The following NPAS3 variants were observed in gnomAD, a reference collection of about 807,000 sequenced individuals.
NPAS3 encodes neuronal PAS domain-containing protein 3.
In NPAS3, 14 loss-of-function variants were observed where a neutral mutation model predicts 73.1. That is an observed-to-expected ratio of 0.19 (90% CI 0.13 to 0.30). The LOEUF is 0.30. Ranked by LOEUF, NPAS3 falls within the 10% of genes least tolerant of loss-of-function variation. The pLI, the probability that NPAS3 is intolerant of heterozygous loss-of-function variation, is 1.00. For synonymous variants in NPAS3, 620 were observed against 541.5 expected, an observed-to-expected ratio of 1.14 and a Z score of -2.01; for missense variants, 1,096 against 1,250.0, an observed-to-expected ratio of 0.88 and a Z score of 1.86.
At chr14:33,183,170 A>G (rs954901480) in intron 2 of NPAS3, among the ~76,000 whole-genome samples, 1 of 152,138 alleles carries the variant, frequency 6.6e-6, no homozygotes, top group Non-Finnish European at 1.5e-5. Flanking sequence ...TCATGCCTGT[A>G]ATCCCAGCAC....
chr14:33,051,841 C>T (rs1032367164), intron 1 of NPAS3, among the ~76,000 whole-genome samples: 2 of 152,116 alleles, frequency 1.3e-5, no homozygotes, highest in African/African-American at 4.8e-5. Flanking sequence ...CTCACTGCAA[C>T]CTCCACCTCC....
chr14:33,237,483 C>A (rs897823318), intron 3 of NPAS3, among the ~76,000 whole-genome samples: 1 of 151,976 alleles, frequency 6.6e-6, no homozygotes, highest in African/African-American at 2.4e-5. Flanking sequence ...ATGTTTCAAT[C>A]CCAGACCATG....
chr14:33,011,874 A>G (rs1362161234), intron 1 of NPAS3, among the ~76,000 whole-genome samples: 2 of 152,204 alleles, frequency 1.3e-5, no homozygotes, highest in Non-Finnish European at 2.9e-5. Flanking sequence ...GCAGACATGA[A>G]TAAAAAATTC....
intron 3 of NPAS3, among the ~76,000 whole-genome samples, chr14:33,333,903 T>C (rs2044098533): frequency 6.6e-6 from 1 of 152,136 alleles, no homozygotes. Context: ...TGTGGCCTCA[T>C]TTGACTATAA....
At chr14:33,394,209 G>GAGAT (rs1566862820) in intron 4 of NPAS3, among the ~76,000 whole-genome samples, 2 of 152,190 alleles carry the variant, frequency 1.3e-5, no homozygotes, top group Admixed American at 1.3e-4. Flanking sequence ...TGATGCTGAA[G>GAGAT]AGATGCTGAT....
chr14:33,524,814 G>A lies in NPAS3; in HGVS notation c.469-35307G>A, dbSNP rs941835329. On this transcript the variant is annotated intron_variant, in intron 4 of 11. Coordinates refer to ENST00000356141, the Ensembl canonical transcript of NPAS3. The stretch of plus-strand genomic sequence containing the variant: ...TGCTGATCATCTTTGGTGGACCATC[G>A]CTTGTAGATACATCATTCCGATCTC... Among the ~76,000 whole-genome samples the A allele has an allele frequency of 7.2e-5, 11 of 152,072 alleles. No homozygotes were observed. The East Asian group carries it at 7.7e-4, about 11-fold the overall frequency.
At chr14:32,945,930 A>G (rs1025112413) in intron 1 of NPAS3, among the ~76,000 whole-genome samples, 8 of 152,200 alleles carry the variant, frequency 5.3e-5, no homozygotes, top group African/African-American at 9.7e-5. Flanking sequence ...GTCACAGCAT[A>G]TGAAGTTCTC....
At chr14:33,192,706 T>C (rs2046214344) in intron 2 of NPAS3, among the ~76,000 whole-genome samples, 1 of 152,206 alleles carries the variant, frequency 6.6e-6, no homozygotes, top group Non-Finnish European at 1.5e-5. Context: ...AAACTTCAAA[T>C]TGTGTTCTAG....
At chr14:33,364,580 T>C (rs1248747132) in intron 3 of NPAS3, among the ~76,000 whole-genome samples, 1 of 152,200 alleles carries the variant, frequency 6.6e-6, no homozygotes, top group African/African-American at 2.4e-5. Flanking sequence ...ATGAAACTAC[T>C]TGCAAGATAC....
intron 9 of NPAS3, among the ~76,000 whole-genome samples, chr14:33,790,550 CTTTT>C (rs74352260): frequency 1.4e-5 from 2 of 142,820 alleles, no homozygotes; most frequent in Admixed American, 7.0e-5. Flanking sequence ...GCCAGTATGA[CTTTT>C]TTTTTTTTTT....
intron 2 of NPAS3, among the ~76,000 whole-genome samples, chr14:33,193,524 G>A (rs2046243930): frequency 6.6e-6 from 1 of 152,172 alleles, no homozygotes; most frequent in African/African-American, 2.4e-5. Context: ...CTGCATCCTA[G>A]AGGATGACAT....
At chr14:33,687,952 C>T (rs1273385190) in intron 6 of NPAS3, among the ~76,000 whole-genome samples, 1 of 152,208 alleles carries the variant, frequency 6.6e-6, no homozygotes, top group South Asian at 2.1e-4. Context: ...CTAGGTAAAT[C>T]TATGTATCAG....
chr14:33,083,525 G>A (rs1313446911), intron 2 of NPAS3, among the ~76,000 whole-genome samples: 3 of 152,190 alleles, frequency 2.0e-5, no homozygotes, highest in South Asian at 2.1e-4. Context: ...TGCTTCAGAA[G>A]GATGGGGTGA....
chr14:32,952,909 CA>C (rs1050340163), intron 1 of NPAS3, among the ~76,000 whole-genome samples: 3 of 151,214 alleles, frequency 2.0e-5, no homozygotes, highest in African/African-American at 7.3e-5. Flanking sequence ...CATGTTTCTA[CA>C]AAAAAATAAC....
chr14:33,099,378 T>C (rs1164192430), intron 2 of NPAS3, among the ~76,000 whole-genome samples: 1 of 152,202 alleles, frequency 6.6e-6, no homozygotes, highest in Admixed American at 6.5e-5. Context: ...ATTCTGCATG[T>C]ATTTCAGGAG....
At chr14:33,524,185 A>G (rs1024741193) in intron 4 of NPAS3, among the ~76,000 whole-genome samples, 2 of 152,180 alleles carry the variant, frequency 1.3e-5, no homozygotes, top group African/African-American at 2.4e-5. Context: ...TGCCCTCTCT[A>G]AAAGTCCTCC....
chr14:33,796,844 A>C lies in NPAS3; in HGVS notation c.1302-613A>C, dbSNP rs190124509. Among the ~76,000 whole-genome samples, 47 of 152,276 alleles carry C rather than the reference A, an allele frequency of 3.1e-4. 1 individual carries two copies. In the East Asian group the frequency reaches 7.5e-3, roughly 24 times the overall value. The stretch of plus-strand genomic sequence containing the variant: ...CTGGGACTCTCCCCACTGCAATCAG[A>C]TTTCCAGCTAACAAGCCACAGGTGT... On this transcript the variant is annotated intron_variant, in intron 10 of 11. Transcript: ENST00000356141.
intron 1 of NPAS3, among the ~76,000 whole-genome samples, chr14:33,025,874 C>G (rs2039784230): frequency 6.6e-6 from 1 of 152,134 alleles, no homozygotes; most frequent in South Asian, 2.1e-4. Flanking sequence ...AACTCCTTTT[C>G]TTTATAAATT....
rs150034670 is a variant in NPAS3, at chr14:33,088,964, C to A, written c.140+32970C>A. On this transcript the variant is annotated intron_variant, in intron 2 of 11. Coordinates refer to ENST00000356141, the Ensembl canonical transcript of NPAS3. The stretch of plus-strand genomic sequence containing the variant: ...CTCCAACAGACTTGCAGCTGAGGGT[C>A]CCAACTGTTAAAAGGAAAACTAACA... Among the ~76,000 whole-genome samples, 34 of 152,192 alleles carry A rather than the reference C, an allele frequency of 2.2e-4. No individual in the cohort carries two copies. In the East Asian group the frequency reaches 6.2e-3, roughly 28 times the overall value.
Sources: allele counts gnomAD v4.1 joint callset (sites outside exome capture counted in the v4.1 genomes callset), GRCh38; gene constraint gnomAD v4.1.1; transcripts MANE v1.5; gene names NCBI Gene and HGNC (gene_info 2026-07-23, HGNC 2026-07-21).